Variants in KALRN observed in about 807,000 individuals in gnomAD.
KALRN encodes kalirin.
Under a neutral mutation model 353.7 loss-of-function variants are expected in KALRN, and 70 were observed. The observed-to-expected ratio is 0.20, with a 90% confidence interval of 0.16 to 0.24. KALRN has a LOEUF of 0.24. Among genes scored for constraint, KALRN ranks in the 10% least tolerant of loss-of-function variants. KALRN has a pLI of 1.00. For synonymous variants in KALRN, 1,391 were observed against 1,434.8 expected (o/e 0.97, Z 0.69); for missense variants, 2,791 against 3,756.7 (o/e 0.74, Z 6.72).
At chr3:124,460,545 C>A (rs1238717173) in intron 23 of KALRN, among the ~76,000 whole-genome samples, 1 of 152,194 alleles carries the variant, frequency 6.6e-6, no homozygotes, top group African/African-American at 2.4e-5. Flanking sequence ...CTCATTTCAT[C>A]GCAATCTACA....
chr3:124,450,563 C>CTT (rs756571468), intron 21 of KALRN, among the ~76,000 whole-genome samples: 30 of 138,030 alleles, frequency 2.2e-4, no homozygotes, highest in East Asian at 6.3e-4. Flanking sequence ...TTCTGAGACT[C>CTT]TTTTTTTTTT....
intron 1 of KALRN, among the ~76,000 whole-genome samples, chr3:124,048,295 CTT>C (rs2040700536): frequency 6.6e-6 from 1 of 152,186 alleles, no homozygotes. Context: ...CTTTCTCTCT[CTT>C]ACTCCCTTAT....
chr3:124,342,488 T>C (rs1015672984), intron 9 of KALRN, among the ~76,000 whole-genome samples: 8 of 152,204 alleles, frequency 5.3e-5, no homozygotes, highest in Non-Finnish European at 1.0e-4. Context: ...GAAGACATGA[T>C]TTCATTCTTT....
intron 15 of KALRN, among the ~76,000 whole-genome samples, chr3:124,428,401 C>G (rs1185607929): frequency 6.6e-6 from 1 of 152,134 alleles, no homozygotes; most frequent in African/African-American, 2.4e-5. Context: ...CACATTGTTG[C>G]ATCAACCCTG....
intron 7 of KALRN, among the ~76,000 whole-genome samples, chr3:124,326,406 G>T (rs2079918549): frequency 6.6e-6 from 1 of 152,208 alleles, no homozygotes; most frequent in African/African-American, 2.4e-5. Context: ...ATACAAACAA[G>T]AGGGGACCCA....
intron 33 of KALRN, among the ~76,000 whole-genome samples, chr3:124,507,126 T>C (rs2065318874): frequency 1.3e-5 from 2 of 152,294 alleles, no homozygotes; most frequent in Non-Finnish European, 1.5e-5. Flanking sequence ...TGAAGGTATA[T>C]GGAGTGGGTG....
chr3:124,420,082 A>G (rs1345031850), intron 14 of KALRN, among the ~76,000 whole-genome samples: 3 of 152,236 alleles, frequency 2.0e-5, no homozygotes, highest in Non-Finnish European at 4.4e-5. Flanking sequence ...CATCCACAAC[A>G]TGATGTGTTC....
intron 37 of KALRN, among the ~76,000 whole-genome samples, chr3:124,638,325 CCTTT>C (rs1350852588): frequency 2.4e-5 from 3 of 124,746 alleles, no homozygotes; most frequent in South Asian, 2.5e-4. Context: ...GCTAAATTTT[CCTTT>C]CTAATTAAAA....
intron 39 of KALRN, among the ~76,000 whole-genome samples, chr3:124,656,567 C>G (rs113867992): frequency 6.6e-6 from 1 of 152,022 alleles, no homozygotes; most frequent in Non-Finnish European, 1.5e-5. Flanking sequence ...GCTGAGATCG[C>G]GCCACCGCAC....
chr3:124,240,058 C>A (rs2148638581), intron 3 of KALRN, among the ~76,000 whole-genome samples: 1 of 152,308 alleles, frequency 6.6e-6, no homozygotes, highest in Middle Eastern at 3.4e-3. Context: ...CTTATAATTT[C>A]TATGTATAAA....
intron 3 of KALRN, among the ~76,000 whole-genome samples, chr3:124,256,116 A>G (rs933499301): frequency 6.6e-6 from 1 of 152,118 alleles, no homozygotes; most frequent in Admixed American, 6.5e-5. Flanking sequence ...CCAGAGAGAC[A>G]CTCTGGGATT....
At chr3:124,434,587 G>A in intron 17 of KALRN, 62 bp downstream of exon 17, 1 of 1,515,192 alleles carries the variant, frequency 6.6e-7, no homozygotes, top group Non-Finnish European at 9.1e-7. Flanking sequence ...TTTCTGCCTT[G>A]CAGTGTAAAT....
At chr3:124,661,068 C>T in intron 44 of KALRN, 95 bp downstream of exon 44, 1 of 938,578 alleles carries the variant, frequency 1.1e-6, no homozygotes, top group Non-Finnish European at 1.7e-6. Flanking sequence ...GACCGTGGAT[C>T]CAGGTGGACC....
chr3:124,295,385 C>T (rs1252868030), intron 5 of KALRN, among the ~76,000 whole-genome samples: 1 of 152,162 alleles, frequency 6.6e-6, no homozygotes, highest in African/African-American at 2.4e-5. Context: ...ATGGCATGGG[C>T]GCAGACCTCA....
chr3:124,492,085 A>G (rs2063222618), intron 31 of KALRN, among the ~76,000 whole-genome samples: 2 of 151,966 alleles, frequency 1.3e-5, no homozygotes, highest in Non-Finnish European at 2.9e-5. Flanking sequence ...TTGTCAGGAA[A>G]GTGCCCATCA....
chr3:124,409,968 G>A (rs949330018), intron 13 of KALRN, among the ~76,000 whole-genome samples: 2 of 152,082 alleles, frequency 1.3e-5, no homozygotes, highest in African/African-American at 4.8e-5. Flanking sequence ...GCCTTAGGAG[G>A]AGGCCCTGGA....
intron 1 of KALRN, among the ~76,000 whole-genome samples, chr3:124,082,027 G>A (rs2060567988): frequency 6.6e-6 from 1 of 152,190 alleles, no homozygotes; most frequent in Non-Finnish European, 1.5e-5. Flanking sequence ...TATAAGACAT[G>A]CCACAGATGA....
intron 5 of KALRN, 134 bp downstream of exon 5, chr3:124,269,389 T>C (rs2073910242): frequency 1.4e-5 from 13 of 937,008 alleles, no homozygotes; most frequent in Admixed American, 2.9e-5. Context: ...TTAGCTAATG[T>C]AATTTTTTTA....
chr3:124,452,404 C>T (rs2058876537), intron 21 of KALRN, among the ~76,000 whole-genome samples: 1 of 152,072 alleles, frequency 6.6e-6, no homozygotes, highest in Admixed American at 6.5e-5. Flanking sequence ...TAATACTTAC[C>T]TTTTAGGGTT....
Sources: allele counts gnomAD v4.1 joint callset (sites outside exome capture counted in the v4.1 genomes callset), GRCh38; gene constraint gnomAD v4.1.1; transcripts MANE v1.5; gene names NCBI Gene and HGNC (gene_info 2026-07-23, HGNC 2026-07-21).